The following RIOK2 variants were observed in gnomAD, a reference collection of about 807,000 sequenced individuals.
RIOK2 encodes the protein RIO kinase 2.
RIOK2 carries 46 observed loss-of-function variants against 62.4 expected under a neutral mutation model. The observed-to-expected ratio is 0.74, with a 90% CI of 0.58 to 0.94. The LOEUF (loss-of-function observed/expected upper bound fraction) is 0.94, where lower values mean the gene tolerates loss of function less well. Among genes scored for constraint, RIOK2 ranks in the 40% least tolerant of loss-of-function variants. RIOK2 has a pLI of 0.00. For synonymous variants in RIOK2, 197 were observed against 216.0 expected (o/e 0.91, Z 0.77); for missense variants, 574 against 658.0 (o/e 0.87, Z 1.40).
intron 1 of RIOK2, among the ~76,000 whole-genome samples, chr5:97,180,005 T>TATTATATATATATA (rs1749312833): frequency 3.6e-5 from 1 of 27,464 alleles, no homozygotes; most frequent in African/African-American, 1.3e-4. Flanking sequence ...ATATATATAT[T>TATTATATATATATA]ATATATATAT....
At chr5:97,166,951 C>T (rs887128906) in intron 8 of RIOK2, 15 of 880,702 alleles carry the variant, frequency 1.7e-5, no homozygotes, top group African/African-American at 5.5e-5. Context: ...GTTTTTTGCT[C>T]GTCACCCAGG....
At position 97,183,114 on chromosome 5, in the gene RIOK2, C is replaced by T; in HGVS notation, c.66+12G>A. 1 of 1,613,986 alleles carries T rather than the reference C, an allele frequency of 6.2e-7. No homozygotes were observed. Reference sequence around the variant, plus strand: ...TAAGGGGAAGGGAGAACAGGAACGGCGGGTTTCTTACCGCGGTCAAGACCC... The same window carrying T: ...TAAGGGGAAGGGAGAACAGGAACGGTGGGTTTCTTACCGCGGTCAAGACCC... On this transcript the variant is annotated intron_variant, in intron 1 of 9. Transcript: ENST00000283109.
Position 97,167,985 on chromosome 5 carries a change from TTCTCTCC to T in RIOK2, c.873-1_878del. The T allele has an allele frequency of 6.3e-7, 1 of 1,583,742 alleles. No individual in the cohort carries two copies. The highest frequency in any genetic ancestry group is 8.5e-7 in the Non-Finnish European group (1 of 1,172,900). ...CAGAAACCTCCACATCAAGAGTGTC[TTCTCTCC>T]TAGAAAAAAAAGGCGTCAAGCATAG... On this transcript the variant is annotated splice_acceptor_variant and coding_sequence_variant, in exon 8 of 10. Transcript: ENST00000283109. LOFTEE classifies it high-confidence loss of function.
At chr5:97,171,507 C>CATGG in intron 5 of RIOK2, 110 bp from the exon 6 acceptor site, 3 of 628,436 alleles carry the variant, frequency 4.8e-6, no homozygotes, top group Non-Finnish European at 7.1e-6. Flanking sequence ...GTATCCCCAG[C>CATGG]AGCTTTCTTC....
At chr5:97,170,906 C>A (rs55741051) in intron 6 of RIOK2, among the ~76,000 whole-genome samples, 4,577 of 152,096 alleles carry the variant, frequency 0.03, 113 homozygotes, top group African/African-American at 0.068. Context: ...GTAATCCCAG[C>A]ACTTTGGGAG....
At chr5:97,175,006 C>T (rs1446576057) in intron 4 of RIOK2, among the ~76,000 whole-genome samples, 2 of 151,558 alleles carry the variant, frequency 1.3e-5, no homozygotes, top group African/African-American at 4.9e-5. Flanking sequence ...TGCAGTGAGC[C>T]GTGATCGTGC....
intron 1 of RIOK2, among the ~76,000 whole-genome samples, chr5:97,180,660 G>C (rs1053028473): frequency 6.6e-6 from 1 of 152,128 alleles, no homozygotes; most frequent in Non-Finnish European, 1.5e-5. Context: ...ATGCAAATTG[G>C]CTTAGAGATG....
chr5:97,173,279 A>G lies in RIOK2; in HGVS notation c.499-16T>C. The G allele has an allele frequency of 1.3e-6, 2 of 1,569,778 alleles. No homozygotes were observed. The highest frequency in any genetic ancestry group is 1.8e-6 in the Non-Finnish European group (2 of 1,140,512). ...CATACAATGCCTAAAATGTTGCAAA[A>G]CAGGTGTAAGCTAATGAACAGGTCA... On this transcript the variant is annotated splice_polypyrimidine_tract_variant and intron_variant, in intron 4 of 9. Transcript: ENST00000283109.
chr5:97,164,372 G>A (rs1236736085), intron 9 of RIOK2, among the ~76,000 whole-genome samples: 1 of 151,942 alleles, frequency 6.6e-6, no homozygotes, highest in Non-Finnish European at 1.5e-5. Flanking sequence ...ATGGTGGTAG[G>A]CGCCTGTAAT....
At chr5:97,173,289 G>A in intron 4 of RIOK2, 26 bp from the exon 5 acceptor site, 3 of 1,443,840 alleles carry the variant, frequency 2.1e-6, no homozygotes, top group Non-Finnish European at 2.9e-6. Context: ...ACAGGTGTAA[G>A]CTAATGAACA....
intron 8 of RIOK2, 120 bp from the exon 9 acceptor site, chr5:97,165,267 GATC>G (rs1453568677): frequency 5.1e-5 from 22 of 434,454 alleles, no homozygotes; most frequent in East Asian, 3.6e-4. Flanking sequence ...ACTTCAGAAA[GATC>G]ATTATATTTT....
In RIOK2 at chr5:97,173,210, A is replaced by G. The variant is rs973193952; in HGVS notation, c.552T>C (p.His184=). 2.5e-6 allele frequency: 4 copies of G among 1,613,264 alleles called. No homozygotes were observed. In the Admixed American group the frequency reaches 6.7e-5, roughly 27 times the overall value. The change falls in exon 5 of 10, where the codon CAT becomes CAC. Residue 184 remains histidine (H), a synonymous_variant. Transcript: ENST00000283109. The part of the protein sequence containing the change: ...PVPKPIDYNR[H]AVVMELINGY... ...CATTTATGAGTTCCATGACCACTGCATGACGATTGTAATCAATTGGCTTTG... is the reference window on the plus strand; with the variant it reads ...CATTTATGAGTTCCATGACCACTGCGTGACGATTGTAATCAATTGGCTTTG...
chr5:97,165,217 ATAT>A (rs1748813521), intron 8 of RIOK2, 70 bp from the exon 9 acceptor site: 2 of 765,802 alleles, frequency 2.6e-6, no homozygotes, highest in Non-Finnish European at 1.9e-6. Context: ...TGATTAATTT[ATAT>A]TATTTTTTGC....
rs1339692700 is a variant in RIOK2, at chr5:97,180,126, G to GTATA, written c.67-937_67-934dup. 3.9e-3 allele frequency among the ~76,000 whole-genome samples: 121 copies of GTATA among 30,778 alleles called. 1 individual carries two copies. Among genetic ancestry groups the GTATA allele is most frequent in the African/African-American group, 0.01 (117 of 11,662 alleles). 20.2% of individuals were successfully genotyped at this position (30,778 alleles called of 152,430 possible). On this transcript the variant is annotated intron_variant, in intron 1 of 9. Transcript: ENST00000283109. ...TACATGCTCTTCTGCATGTGTATAT[G>GTATA]TATATATATATATATGTATATATAT...
At chr5:97,172,670 A>G (rs1335049653) in intron 5 of RIOK2, among the ~76,000 whole-genome samples, 1 of 152,174 alleles carries the variant, frequency 6.6e-6, no homozygotes, top group Non-Finnish European at 1.5e-5. Context: ...TCTCTGCTCA[A>G]AATACTCCCA....
chr5:97,164,355 G>A (rs1002668592), intron 9 of RIOK2, among the ~76,000 whole-genome samples: 1 of 151,972 alleles, frequency 6.6e-6, no homozygotes, highest in Non-Finnish European at 1.5e-5. Flanking sequence ...ACAAAAATTA[G>A]CCAGCCATGG....
intron 2 of RIOK2, among the ~76,000 whole-genome samples, chr5:97,178,337 A>ACATGCTCTTCTGCAGTACCTG (rs1478759233): frequency 5.6e-4 from 2 of 3,584 alleles, no homozygotes; most frequent in African/African-American, 1.5e-3. Flanking sequence ...TGCAGTACCT[A>ACATGCTCTTCTGCAGTACCTG]CATGCTCTTC....
At chr5:97,176,861 T>G in intron 4 of RIOK2, 1 of 379,626 alleles carries the variant, frequency 2.6e-6, no homozygotes, top group Non-Finnish European at 4.8e-6. Flanking sequence ...TACTTTTGGC[T>G]CTTTCATCTT....
intron 6 of RIOK2, among the ~76,000 whole-genome samples, chr5:97,170,674 CAGAG>C: frequency 6.6e-6 from 1 of 152,238 alleles, no homozygotes; most frequent in East Asian, 1.9e-4. Context: ...CAATTTACAA[CAGAG>C]AAATTCAAAT....
Sources: allele counts gnomAD v4.1 joint callset (sites outside exome capture counted in the v4.1 genomes callset), GRCh38; gene constraint gnomAD v4.1.1; transcripts MANE v1.5; gene names NCBI Gene and HGNC (gene_info 2026-07-23, HGNC 2026-07-21).